Variants in MRPL1 observed in about 807,000 individuals in gnomAD.
MRPL1 encodes mitochondrial ribosomal protein L1.
In MRPL1, 28 loss-of-function variants were observed where a neutral mutation model predicts 38.0. The observed-to-expected ratio is 0.74, with a 90% confidence interval of 0.55 to 1.01. The LOEUF (loss-of-function observed/expected upper bound fraction) is 1.01. Among genes scored for constraint, MRPL1 ranks in the 50% least tolerant of loss-of-function variants. The probability of loss-of-function intolerance (pLI) is 0.00; values close to 1 mark genes in which losing one functional copy is unlikely to be tolerated. For missense variants in MRPL1, 358 were observed against 389.8 expected, an observed-to-expected ratio of 0.92 and a Z score of 0.69; for synonymous variants, 123 against 126.7, an observed-to-expected ratio of 0.97 and a Z score of 0.20.
intron 1 of MRPL1, among the ~76,000 whole-genome samples, chr4:77,869,589 TTG>T (rs546119150): frequency 4.0e-5 from 6 of 151,036 alleles, no homozygotes; most frequent in Admixed American, 3.9e-4. Flanking sequence ...TGTTGTTTGT[TTG>T]TTTGTTTGTT....
chr4:77,904,238 G>T (rs1036651341), intron 6 of MRPL1, among the ~76,000 whole-genome samples: 5 of 150,082 alleles, frequency 3.3e-5, no homozygotes, highest in Admixed American at 2.0e-4. Context: ...AAGCAAGACT[G>T]TGTCTTAAAA....
At chr4:77,932,836 G>A (rs1736878490) in intron 7 of MRPL1, among the ~76,000 whole-genome samples, 1 of 151,506 alleles carries the variant, frequency 6.6e-6, no homozygotes. Context: ...TGGAAAAACT[G>A]TCTTCTACAA....
At chr4:77,890,956 A>G (rs1242795676) in intron 5 of MRPL1, among the ~76,000 whole-genome samples, 1 of 152,130 alleles carries the variant, frequency 6.6e-6, no homozygotes, top group Admixed American at 6.6e-5. Context: ...TTTGAGGTAA[A>G]CAGCAGTGCT....
chr4:77,938,227 T>C (rs1218137568), intron 7 of MRPL1, among the ~76,000 whole-genome samples: 2 of 152,362 alleles, frequency 1.3e-5, no homozygotes, highest in East Asian at 3.9e-4. Flanking sequence ...GGAAGAATTG[T>C]GACAGAGGCC....
chr4:77,910,500 G>A (rs952544805), intron 7 of MRPL1, among the ~76,000 whole-genome samples: 2 of 152,172 alleles, frequency 1.3e-5, no homozygotes, highest in Non-Finnish European at 2.9e-5. Context: ...TTAGTTGAGT[G>A]TGGTGGCATG....
chr4:77,923,581 C>G lies in MRPL1; in HGVS notation c.777+14209C>G, dbSNP rs144348470. 7.6e-3 allele frequency among the ~76,000 whole-genome samples: 1,153 copies of G among 152,094 alleles called. 16 individuals carry two copies. The highest frequency in any genetic ancestry group is 0.021 in the Admixed American group (327 of 15,262). ...TTTTCCAAATATTTCTGGCCACTAT[C>G]ATAGTAAAAAATAATTTTTGTATCA... On this transcript the variant is annotated intron_variant, in intron 7 of 8. Transcript: ENST00000315567.
intron 6 of MRPL1, among the ~76,000 whole-genome samples, chr4:77,904,578 A>AAG (rs1736112800): frequency 6.6e-6 from 1 of 152,048 alleles, no homozygotes; most frequent in South Asian, 2.1e-4. Flanking sequence ...AAGAAATTAA[A>AAG]AGAGAGAATG....
At chr4:77,883,150 TG>T (rs1735582974) in intron 2 of MRPL1, 91 bp from the exon 3 acceptor site, 13 of 790,408 alleles carry the variant, frequency 1.6e-5, no homozygotes, top group East Asian at 2.9e-5. Context: ...ATTCATCCTT[TG>T]TTTTTTTTTC....
intron 6 of MRPL1, among the ~76,000 whole-genome samples, chr4:77,903,645 C>T (rs1054282752): frequency 1.2e-4 from 18 of 152,152 alleles, no homozygotes; most frequent in Admixed American, 1.0e-3. Context: ...ATGTAACCAA[C>T]CTACAATCAA....
chr4:77,871,701 A>T, intron 1 of MRPL1, 43 bp from the exon 2 acceptor site: 1 of 879,926 alleles, frequency 1.1e-6, no homozygotes, highest in Non-Finnish European at 1.7e-6. Context: ...TATGAATATA[A>T]TGATTATTTA....
intron 2 of MRPL1, among the ~76,000 whole-genome samples, chr4:77,872,085 G>A (rs1735292860): frequency 6.6e-6 from 1 of 152,138 alleles, no homozygotes; most frequent in Non-Finnish European, 1.5e-5. Context: ...TTATGAGGAA[G>A]CTATTGTTAT....
chr4:77,864,166 A>G (rs1578034189), intron 1 of MRPL1, among the ~76,000 whole-genome samples: 1 of 152,338 alleles, frequency 6.6e-6, no homozygotes, highest in East Asian at 1.9e-4. Context: ...ATCTTCATGT[A>G]TGACAGAAAT....
chr4:77,927,918 A>G (rs1736753797), intron 7 of MRPL1, among the ~76,000 whole-genome samples: 1 of 152,222 alleles, frequency 6.6e-6, no homozygotes. Context: ...TTATATTTAT[A>G]CCAAATCATG....
intron 4 of MRPL1, among the ~76,000 whole-genome samples, chr4:77,886,878 C>G (rs899840890): frequency 6.8e-6 from 1 of 147,756 alleles, no homozygotes; most frequent in Non-Finnish European, 1.5e-5. Flanking sequence ...CTGCATCCTC[C>G]CCCTCCTGGG....
At chr4:77,938,817 C>G (rs1366651077) in intron 7 of MRPL1, among the ~76,000 whole-genome samples, 3 of 152,286 alleles carry the variant, frequency 2.0e-5, no homozygotes, top group Admixed American at 2.0e-4. Context: ...CCCAGTCCTC[C>G]TCACTTGTAC....
intron 1 of MRPL1, among the ~76,000 whole-genome samples, chr4:77,865,857 C>A (rs1010229909): frequency 1.3e-5 from 2 of 152,146 alleles, no homozygotes; most frequent in Non-Finnish European, 2.9e-5. Flanking sequence ...CCTTTAAGGA[C>A]CTCAGTCATG....
intron 7 of MRPL1, 70 bp from the exon 8 acceptor site, chr4:77,949,727 A>T: frequency 9.1e-7 from 1 of 1,104,496 alleles, no homozygotes; most frequent in South Asian, 1.5e-5. Flanking sequence ...CTATTTGAAA[A>T]ATAGTCTAGA....
At chr4:77,871,949 T>G in intron 2 of MRPL1, 94 bp downstream of exon 2, 1 of 809,910 alleles carries the variant, frequency 1.2e-6, no homozygotes, top group East Asian at 2.8e-5. Context: ...CCAGGACATA[T>G]AGTTGTAAAA....
intron 2 of MRPL1, among the ~76,000 whole-genome samples, chr4:77,882,331 A>G (rs1735560903): frequency 6.6e-6 from 1 of 152,238 alleles, no homozygotes; most frequent in Non-Finnish European, 1.5e-5. Flanking sequence ...AAGGTATCAT[A>G]TAATTACATA....
Sources: allele counts gnomAD v4.1 joint callset (sites outside exome capture counted in the v4.1 genomes callset), GRCh38; gene constraint gnomAD v4.1.1; transcripts MANE v1.5; gene names NCBI Gene and HGNC (gene_info 2026-07-23, HGNC 2026-07-21).